The following PRKN variants were observed in gnomAD, a reference collection of about 807,000 sequenced individuals.
PRKN encodes parkin RBR E3 ubiquitin protein ligase.
A neutral mutation model predicts 59.5 loss-of-function variants in PRKN; 56 were observed. That is an observed-to-expected ratio of 0.94 (90% CI 0.76 to 1.18). The LOEUF is 1.18. PRKN is among the 50% of genes most tolerant of loss of function. The pLI, the probability that PRKN is intolerant of heterozygous loss-of-function variation, is 0.00. For synonymous variants in PRKN, 250 were observed against 222.1 expected (o/e 1.13, Z -1.12); for missense variants, 657 against 596.4 (o/e 1.10, Z -1.06).
intron 1 of PRKN, among the ~76,000 whole-genome samples, chr6:162,711,636 A>G (rs1778542350): frequency 6.6e-6 from 1 of 152,198 alleles, no homozygotes; most frequent in Non-Finnish European, 1.5e-5. Context: ...TTAGCAATCT[A>G]GATTGCAGCA....
chr6:161,813,438 C>T (rs1791644706), intron 6 of PRKN, among the ~76,000 whole-genome samples: 1 of 152,192 alleles, frequency 6.6e-6, no homozygotes, highest in African/African-American at 2.4e-5. Context: ...AGCTGAGTTT[C>T]CTTCTCCTTC....
At chr6:162,472,349 C>G (rs906563829) in intron 1 of PRKN, among the ~76,000 whole-genome samples, 1 of 134,672 alleles carries the variant, frequency 7.4e-6, no homozygotes, top group Non-Finnish European at 1.6e-5. Context: ...TGCTACCCCT[C>G]CCCCCACCCC....
chr6:162,501,520 T>TTA (rs1202604122), intron 1 of PRKN, among the ~76,000 whole-genome samples: 11 of 151,350 alleles, frequency 7.3e-5, no homozygotes, highest in Non-Finnish European at 1.3e-4. Flanking sequence ...GTTAATTTTT[T>TTA]TTTTTTTTTT....
chr6:161,693,051 A>G (rs1785866796), intron 7 of PRKN, among the ~76,000 whole-genome samples: 1 of 152,108 alleles, frequency 6.6e-6, no homozygotes, highest in Admixed American at 6.5e-5. Context: ...TAAACACAAT[A>G]TATTTCTGAT....
rs1779848216 is a variant in PRKN, at chr6:161,547,790, T to A, written c.1083+1064A>T. ...TCTCCAGGGAGAGTAAACACTTGAGTTTTCATTCTAATGCAATCACGATTA... is the reference window on the plus strand; with the variant it reads ...TCTCCAGGGAGAGTAAACACTTGAGATTTCATTCTAATGCAATCACGATTA... On this transcript the variant is annotated intron_variant, in intron 9 of 11. Transcript: ENST00000366898. This position sits in a 1 kb window ranked among gnomAD's most constrained non-coding sequence, Gnocchi z 4.0. Among the ~76,000 whole-genome samples the A allele has an allele frequency of 6.6e-6, 1 of 152,008 alleles. No homozygotes were observed. The highest frequency in any genetic ancestry group is 6.6e-5 in the Admixed American group (1 of 15,264).
intron 7 of PRKN, among the ~76,000 whole-genome samples, chr6:161,750,801 C>T (rs1004895909): frequency 6.6e-6 from 1 of 151,424 alleles, no homozygotes; most frequent in Non-Finnish European, 1.5e-5. Context: ...AAAATTCTGT[C>T]CACGGAATTG....
intron 7 of PRKN, among the ~76,000 whole-genome samples, chr6:161,697,530 C>T (rs570790128): frequency 3.9e-5 from 6 of 152,158 alleles, no homozygotes; most frequent in Admixed American, 3.3e-4. Context: ...AATTCAGTCT[C>T]TAGTCTCAAC....
chr6:161,998,694 G>A (rs929719407), intron 5 of PRKN, among the ~76,000 whole-genome samples: 2 of 152,070 alleles, frequency 1.3e-5, no homozygotes, highest in African/African-American at 2.4e-5. Context: ...AAGTTTCAGC[G>A]AATTGCCTGG....
intron 6 of PRKN, among the ~76,000 whole-genome samples, chr6:161,865,772 A>C (rs79545584): frequency 0.03 from 4,596 of 152,242 alleles, 236 homozygotes; most frequent in African/African-American, 0.11. Context: ...TCCAGACCAG[A>C]GTTTTTCCAT....
At chr6:162,516,711 C>G (rs1182007725) in intron 1 of PRKN, among the ~76,000 whole-genome samples, 3 of 150,194 alleles carry the variant, frequency 2.0e-5, no homozygotes, top group Non-Finnish European at 3.0e-5. Context: ...TGCAGTGAGC[C>G]GAGATGGCGC....
intron 6 of PRKN, among the ~76,000 whole-genome samples, chr6:161,842,200 T>C (rs1023270784): frequency 6.6e-6 from 1 of 151,818 alleles, no homozygotes; most frequent in African/African-American, 2.4e-5. Context: ...TGATCCAAAT[T>C]AAAAATAAGA....
chr6:162,360,491 T>A (rs1293337552), intron 2 of PRKN, among the ~76,000 whole-genome samples: 1 of 152,182 alleles, frequency 6.6e-6, no homozygotes, highest in Non-Finnish European at 1.5e-5. Context: ...TTTTAGATAT[T>A]TCCTATAAAA....
intron 4 of PRKN, among the ~76,000 whole-genome samples, chr6:162,066,410 A>G (rs1401501996): frequency 2.0e-5 from 3 of 152,202 alleles, no homozygotes; most frequent in Non-Finnish European, 4.4e-5. Flanking sequence ...GAACACATAT[A>G]TTATGCTCTT....
At chr6:161,701,815 C>T (rs558269390) in intron 7 of PRKN, among the ~76,000 whole-genome samples, 1 of 152,254 alleles carries the variant, frequency 6.6e-6, no homozygotes, top group South Asian at 2.1e-4. Context: ...ACGTCTCAAA[C>T]ATATTATGGG....
At chr6:161,831,598 T>C (rs1219308392) in intron 6 of PRKN, among the ~76,000 whole-genome samples, 1 of 152,246 alleles carries the variant, frequency 6.6e-6, no homozygotes, top group African/African-American at 2.4e-5. Flanking sequence ...GCACTGGTTC[T>C]GTGCAGAAGC....
intron 2 of PRKN, among the ~76,000 whole-genome samples, chr6:162,311,756 T>C (rs1782528803): frequency 6.6e-6 from 1 of 152,078 alleles, no homozygotes; most frequent in Non-Finnish European, 1.5e-5. Context: ...GAGAAAGCCT[T>C]CCCAAGGGAG....
At position 161,390,237 on chromosome 6, in the gene PRKN, G is replaced by A. The variant is rs1442246947; in HGVS notation, c.1084-3360C>T. Among the ~76,000 whole-genome samples the A allele has an allele frequency of 1.3e-5, 2 of 152,138 alleles. No homozygotes were observed. Among genetic ancestry groups the A allele is most frequent in the African/African-American group, 2.4e-5 (1 of 41,430 alleles). On this transcript the variant is annotated intron_variant, in intron 9 of 11. Transcript: ENST00000366898. This position sits in a 1 kb window ranked among gnomAD's most constrained non-coding sequence, Gnocchi z 7.0. Reference sequence around the variant, plus strand: ...TCTCAACCTTCAGTTCTCACACTACGCACCAGAGTGCCCTGCGGTACTGTA... The same window carrying A: ...TCTCAACCTTCAGTTCTCACACTACACACCAGAGTGCCCTGCGGTACTGTA...
At chr6:162,361,939 C>T (rs1205275195) in intron 2 of PRKN, among the ~76,000 whole-genome samples, 1 of 152,140 alleles carries the variant, frequency 6.6e-6, no homozygotes, top group Admixed American at 6.6e-5. Flanking sequence ...CTGGCAATTA[C>T]AATTCCACCC....
intron 4 of PRKN, among the ~76,000 whole-genome samples, chr6:162,198,730 G>C (rs750510778): frequency 1.3e-5 from 2 of 151,548 alleles, no homozygotes; most frequent in Non-Finnish European, 2.9e-5. Context: ...TACCTCTACT[G>C]CTCTGCATCA....
Sources: allele counts gnomAD v4.1 joint callset (sites outside exome capture counted in the v4.1 genomes callset), GRCh38; gene constraint gnomAD v4.1.1; non-coding constraint Gnocchi (gnomAD v3.1); transcripts MANE v1.5; gene names NCBI Gene and HGNC (gene_info 2026-07-23, HGNC 2026-07-21).